Variants in APBA1 observed in about 807,000 individuals in gnomAD.
The protein encoded by APBA1 is amyloid-beta A4 precursor protein-binding family A member 1.
Under a neutral mutation model 86.6 loss-of-function variants are expected in APBA1, and 55 were observed. That is an observed-to-expected ratio of 0.64 (90% CI 0.51 to 0.80). The LOEUF (loss-of-function observed/expected upper bound fraction) is 0.80, where lower values mean the gene tolerates loss of function less well. Ranked by LOEUF, APBA1 falls within the 30% of genes least tolerant of loss-of-function variation. APBA1 has a pLI of 0.00. For synonymous variants in APBA1, 511 were observed against 493.9 expected (o/e 1.03, Z -0.46); for missense variants, 1,090 against 1,183.0 (o/e 0.92, Z 1.15).
At chr9:69,459,803 T>C (rs1368798261) in intron 5 of APBA1, among the ~76,000 whole-genome samples, 1 of 152,254 alleles carries the variant, frequency 6.6e-6, no homozygotes, top group Non-Finnish European at 1.5e-5. Flanking sequence ...ACAGGGATAT[T>C]TTGAGGACAA....
At chr9:69,658,594 A>G (rs114324683) in intron 1 of APBA1, among the ~76,000 whole-genome samples, 2,622 of 148,236 alleles carry the variant, frequency 0.018, 78 homozygotes, top group African/African-American at 0.062. Flanking sequence ...CAGTTAAGAC[A>G]GGGTTTCACC....
At chr9:69,651,643 T>C (rs1313941530) in intron 1 of APBA1, among the ~76,000 whole-genome samples, 1 of 152,166 alleles carries the variant, frequency 6.6e-6, no homozygotes, top group East Asian at 1.9e-4. Flanking sequence ...GCCCAGCTAA[T>C]TTTTGTATTT....
At chr9:69,502,676 G>A (rs1835897738) in intron 2 of APBA1, among the ~76,000 whole-genome samples, 2 of 152,004 alleles carry the variant, frequency 1.3e-5, no homozygotes, top group South Asian at 2.1e-4. Context: ...GCCATTAAAT[G>A]CACCCTGGTA....
chr9:69,667,521 C>T (rs1307231115), intron 1 of APBA1, among the ~76,000 whole-genome samples: 1 of 151,020 alleles, frequency 6.6e-6, no homozygotes, highest in Non-Finnish European at 1.5e-5. Context: ...TTTCTTTCCA[C>T]CTCAAAATTC....
At chr9:69,457,840 T>C (rs1835124185) in intron 6 of APBA1, among the ~76,000 whole-genome samples, 1 of 152,156 alleles carries the variant, frequency 6.6e-6, no homozygotes, top group South Asian at 2.1e-4. Context: ...ATAACTATAA[T>C]CAAACAGACT....
At chr9:69,488,206 T>G (rs1254614065) in intron 2 of APBA1, among the ~76,000 whole-genome samples, 1 of 152,116 alleles carries the variant, frequency 6.6e-6, no homozygotes, top group Admixed American at 6.5e-5. Context: ...GAAAACTGAG[T>G]CAGTCCTTAA....
At chr9:69,652,716 C>T (rs560709339) in intron 1 of APBA1, among the ~76,000 whole-genome samples, 4 of 152,186 alleles carry the variant, frequency 2.6e-5, no homozygotes, top group Non-Finnish European at 5.9e-5. Flanking sequence ...CCTGGCTGGG[C>T]GCAGTGGCTC....
chr9:69,496,575 G>T (rs983770196), intron 2 of APBA1, among the ~76,000 whole-genome samples: 2 of 152,046 alleles, frequency 1.3e-5, no homozygotes, highest in African/African-American at 2.4e-5. Context: ...GACCACTCTT[G>T]TTGGCAGTCC....
chr9:69,605,123 C>T (rs924345888), intron 1 of APBA1, among the ~76,000 whole-genome samples: 1 of 152,114 alleles, frequency 6.6e-6, no homozygotes, highest in African/African-American at 2.4e-5. Context: ...CTTTCTCCTG[C>T]CCTTTAAAAA....
intron 1 of APBA1, among the ~76,000 whole-genome samples, chr9:69,578,434 T>C (rs959011999): frequency 2.0e-5 from 3 of 152,186 alleles, no homozygotes; most frequent in Admixed American, 6.5e-5. Flanking sequence ...CATCCTCTGC[T>C]GGGGGTTCTC....
intron 1 of APBA1, among the ~76,000 whole-genome samples, chr9:69,631,740 G>T (rs1423501522): frequency 6.6e-6 from 1 of 152,186 alleles, no homozygotes; most frequent in Non-Finnish European, 1.5e-5. Flanking sequence ...AAAAGGATGA[G>T]TTCATGTCCT....
chr9:69,579,992 T>TA (rs940205451), intron 1 of APBA1, among the ~76,000 whole-genome samples: 3 of 152,038 alleles, frequency 2.0e-5, no homozygotes, highest in East Asian at 1.9e-4. Flanking sequence ...CCTACTTCCT[T>TA]AAAAAAAATG....
chr9:69,555,733 A>C (rs1162115453), intron 1 of APBA1, among the ~76,000 whole-genome samples: 1 of 152,222 alleles, frequency 6.6e-6, no homozygotes, highest in African/African-American at 2.4e-5. Flanking sequence ...ATGAGAAAGG[A>C]TACTTCATGG....
intron 2 of APBA1, among the ~76,000 whole-genome samples, chr9:69,495,569 G>A (rs1484028249): frequency 1.3e-5 from 2 of 151,970 alleles, no homozygotes; most frequent in African/African-American, 2.4e-5. Context: ...TTAACCCCTC[G>A]CTGCCTGAAT....
intron 11 of APBA1, among the ~76,000 whole-genome samples, chr9:69,440,577 C>T (rs987735467): frequency 9.2e-5 from 14 of 152,276 alleles, no homozygotes; most frequent in South Asian, 4.1e-4. Context: ...TAGGACCCTC[C>T]GAGCCAGGTG....
intron 1 of APBA1, among the ~76,000 whole-genome samples, chr9:69,549,002 C>T (rs1836742107): frequency 1.3e-5 from 2 of 152,218 alleles, no homozygotes; most frequent in Admixed American, 6.5e-5. Flanking sequence ...GAGCAAAGGC[C>T]GGGTAGGGCT....
At chr9:69,648,094 G>A (rs1015579482) in intron 1 of APBA1, among the ~76,000 whole-genome samples, 12 of 152,202 alleles carry the variant, frequency 7.9e-5, no homozygotes, top group African/African-American at 2.9e-4. Flanking sequence ...GACAGATGAA[G>A]GGCTGGTTAC....
chr9:69,569,629 A>G (rs892334930), intron 1 of APBA1, among the ~76,000 whole-genome samples: 1 of 152,206 alleles, frequency 6.6e-6, no homozygotes, highest in Non-Finnish European at 1.5e-5. Context: ...TCTCTTATGC[A>G]TATGGTTGAA....
At chr9:69,646,899 C>G (rs571014919) in intron 1 of APBA1, among the ~76,000 whole-genome samples, 2 of 152,116 alleles carry the variant, frequency 1.3e-5, no homozygotes, top group Admixed American at 6.5e-5. Flanking sequence ...TTTTCTTAGG[C>G]CTCTCAGTGC....
Sources: gnomAD v4.1 joint callset for allele counts (sites outside exome capture counted in the v4.1 genomes callset) on GRCh38, gnomAD v4.1.1 for gene constraint, MANE v1.5 for transcripts, NCBI Gene and HGNC (gene_info 2026-07-23, HGNC 2026-07-21) for gene names.